The following CDH1 variants were observed in gnomAD, a reference collection of about 807,000 sequenced individuals.
The protein encoded by CDH1 is cadherin-1.
Under a neutral mutation model 84.5 loss-of-function variants are expected in CDH1, and 35 were observed. The ratio of observed to expected loss-of-function variants is 0.41; its 90% confidence interval spans 0.32 to 0.55. The LOEUF (loss-of-function observed/expected upper bound fraction) is 0.55, where lower values mean the gene tolerates loss of function less well. CDH1 is among the 20% of genes least tolerant of loss of function. The pLI, the probability that CDH1 is intolerant of heterozygous loss-of-function variation, is 0.19. For missense variants in CDH1, 994 were observed against 1,126.6 expected (o/e 0.88, Z 1.68); for synonymous variants, 417 against 439.0 (o/e 0.95, Z 0.63).
At chr16:68,802,789 T>C (rs1412274997) in intron 3 of CDH1, among the ~76,000 whole-genome samples, 1 of 152,046 alleles carries the variant, frequency 6.6e-6, no homozygotes, top group Admixed American at 6.5e-5. Context: ...GATTCTCTGA[T>C]CATTTTGCTT....
chr16:68,747,440 G>T (rs918648630), intron 2 of CDH1, among the ~76,000 whole-genome samples: 2 of 151,942 alleles, frequency 1.3e-5, no homozygotes, highest in African/African-American at 4.8e-5. Flanking sequence ...TTATTCACCC[G>T]GTTAAAAAAT....
intron 2 of CDH1, among the ~76,000 whole-genome samples, chr16:68,782,230 C>T (rs985840228): frequency 6.6e-6 from 1 of 152,170 alleles, no homozygotes; most frequent in Admixed American, 6.5e-5. Context: ...GGAGGCAGTC[C>T]ACACCCTCAG....
chr16:68,821,607 C>T (rs1183122910), intron 11 of CDH1, among the ~76,000 whole-genome samples: 1 of 152,012 alleles, frequency 6.6e-6, no homozygotes, highest in Non-Finnish European at 1.5e-5. Context: ...TAAAAAGACT[C>T]AATGCTTTGT....
intron 2 of CDH1, among the ~76,000 whole-genome samples, chr16:68,786,111 A>C (rs537422900): frequency 8.5e-5 from 13 of 152,100 alleles, no homozygotes; most frequent in Non-Finnish European, 1.6e-4. Context: ...AGATTCTGGC[A>C]CCTGTGGGTC....
At chr16:68,823,997 T>C (rs1230930322) in intron 13 of CDH1, among the ~76,000 whole-genome samples, 2 of 145,544 alleles carry the variant, frequency 1.4e-5, no homozygotes, top group East Asian at 2.0e-4. Flanking sequence ...CATTTCTTTT[T>C]TTTTTTTTTT....
chr16:68,822,056 T>C lies in CDH1; in HGVS notation c.1767T>C (p.Asn589=), dbSNP rs763862527. 1.9e-6 allele frequency: 3 copies of C among 1,614,226 alleles called. No homozygotes were observed. The highest frequency in any genetic ancestry group is 1.1e-5 in the South Asian group (1 of 91,084). ...TTCTGCTGATCCTGTCTGATGTGAA[T>C]GACAACGCCCCCATACCAGAACCTC... The part of the protein sequence containing the change: ...GTLLLILSDV[N]DNAPIPEPRT... The change falls in exon 12 of 16, where the codon AAT becomes AAC. Residue 589 remains asparagine (N), a synonymous_variant. Transcript: ENST00000261769.
chr16:68,760,857 T>C (rs1768956760), intron 2 of CDH1, among the ~76,000 whole-genome samples: 1 of 151,756 alleles, frequency 6.6e-6, no homozygotes, highest in Admixed American at 6.6e-5. Flanking sequence ...GTCTGGGATG[T>C]GGGGTGGTAT....
At chr16:68,812,309 T>C (rs1216863324) in intron 8 of CDH1, 46 bp downstream of exon 8, 6 of 1,605,582 alleles carry the variant, frequency 3.7e-6, no homozygotes. Flanking sequence ...AGGTCTTTTG[T>C]TGTTCATGAA....
rs114265540 is a variant in CDH1 at position 68,829,689 on chromosome 16, C to T, written c.2331C>T (p.Asp777=). ...TGAGCCAGCTGCACAGGGGCCTGGA[C>T]GCTCGGCCTGAAGTGACTCGTAACG... ...FDLSQLHRGL[D]ARPEVTRNDV... The change falls in exon 15 of 16, where the codon GAC becomes GAT. Residue 777 remains aspartate, a synonymous_variant. Transcript: ENST00000261769. 2.6e-5 allele frequency: 42 copies of T among 1,614,152 alleles called. No individual in the cohort carries two copies. The highest frequency in any genetic ancestry group is 1.4e-4 in the South Asian group (13 of 91,078).
chr16:68,823,830 G>T (rs1197149368), intron 13 of CDH1, among the ~76,000 whole-genome samples: 3 of 151,988 alleles, frequency 2.0e-5, no homozygotes, highest in Admixed American at 6.6e-5. Flanking sequence ...AGATGGGAAG[G>T]CCATGAAGTC....
intron 2 of CDH1, among the ~76,000 whole-genome samples, chr16:68,780,720 T>C (rs1021832381): frequency 6.6e-6 from 1 of 152,172 alleles, no homozygotes; most frequent in Non-Finnish European, 1.5e-5. Context: ...TCATGCGTCT[T>C]CAAAGCTGGC....
At chr16:68,804,781 A>G (rs1176463694) in intron 3 of CDH1, among the ~76,000 whole-genome samples, 1 of 144,934 alleles carries the variant, frequency 6.9e-6, no homozygotes, top group African/African-American at 2.6e-5. Flanking sequence ...ATATTGATTA[A>G]TTTTTAACTT....
intron 2 of CDH1, among the ~76,000 whole-genome samples, chr16:68,765,870 C>T (rs1026275398): frequency 6.6e-6 from 1 of 151,888 alleles, no homozygotes; most frequent in African/African-American, 2.4e-5. Flanking sequence ...AATCGAAGAC[C>T]CTTCAGTTAT....
intron 2 of CDH1, among the ~76,000 whole-genome samples, chr16:68,792,872 T>C (rs1031533744): frequency 6.6e-6 from 1 of 152,238 alleles, no homozygotes; most frequent in African/African-American, 2.4e-5. Context: ...CCAAGGGGAC[T>C]TTGCTCCCTG....
At chr16:68,819,152 G>A (rs781543245) in intron 10 of CDH1, 128 bp from the exon 11 acceptor site, 15 of 1,040,994 alleles carry the variant, frequency 1.4e-5, no homozygotes, top group African/African-American at 3.1e-5. Flanking sequence ...CACCGCGACC[G>A]GCCTATTGTT....
intron 13 of CDH1, among the ~76,000 whole-genome samples, chr16:68,824,841 A>G (rs999369427): frequency 3.9e-5 from 6 of 152,216 alleles, no homozygotes; most frequent in Non-Finnish European, 7.3e-5. Flanking sequence ...AAAACAGACT[A>G]TGTGCATCAA....
At chr16:68,814,108 A>C (rs915654465) in intron 9 of CDH1, among the ~76,000 whole-genome samples, 1 of 129,244 alleles carries the variant, frequency 7.7e-6, no homozygotes, top group African/African-American at 3.0e-5. Context: ...GGTGGTGTGC[A>C]CCTATAGTCC....
intron 9 of CDH1, among the ~76,000 whole-genome samples, chr16:68,814,815 G>C (rs1270775119): frequency 6.6e-6 from 1 of 151,896 alleles, no homozygotes; most frequent in African/African-American, 2.4e-5. Flanking sequence ...AACTACTTGG[G>C]AGGCTGAGGT....
intron 2 of CDH1, among the ~76,000 whole-genome samples, chr16:68,775,179 A>AT (rs1379032682): frequency 2.0e-5 from 3 of 151,966 alleles, no homozygotes; most frequent in Non-Finnish European, 2.9e-5. Flanking sequence ...TAACATTGTC[A>AT]TATTTGCCTT....
Sources: allele counts gnomAD v4.1 joint callset (sites outside exome capture counted in the v4.1 genomes callset), GRCh38; gene constraint gnomAD v4.1.1; transcripts MANE v1.5; gene names NCBI Gene and HGNC (gene_info 2026-07-23, HGNC 2026-07-21).